Variants in KIDINS220 observed in about 807,000 individuals in gnomAD.
KIDINS220 encodes the protein kinase D-interacting substrate of 220 kDa.
A neutral mutation model predicts 157.6 loss-of-function variants in KIDINS220; 63 were observed. That is an observed-to-expected ratio of 0.40 (90% CI 0.33 to 0.49). The LOEUF (loss-of-function observed/expected upper bound fraction) is 0.49, where lower values mean the gene tolerates loss of function less well. Among genes scored for constraint, KIDINS220 ranks in the 20% least tolerant of loss-of-function variants. The pLI is 0.66. For synonymous variants in KIDINS220, 732 were observed against 783.6 expected, an observed-to-expected ratio of 0.93 and a Z score of 1.10; for missense variants, 1,772 against 2,171.2, an observed-to-expected ratio of 0.82 and a Z score of 3.65.
intron 2 of KIDINS220, among the ~76,000 whole-genome samples, chr2:8,823,839 T>C (rs993474321): frequency 3.3e-5 from 5 of 152,184 alleles, no homozygotes; most frequent in Non-Finnish European, 5.9e-5. Flanking sequence ...TTATATCTTA[T>C]CTATGTATAA....
At chr2:8,734,104 T>C (rs1664528485) in intron 28 of KIDINS220, among the ~76,000 whole-genome samples, 1 of 151,330 alleles carries the variant, frequency 6.6e-6, no homozygotes, top group Admixed American at 6.6e-5. Context: ...TGAGTGGGGA[T>C]CTACCACCAA....
intron 21 of KIDINS220, among the ~76,000 whole-genome samples, chr2:8,774,996 T>C (rs1407950169): frequency 1.3e-5 from 2 of 152,154 alleles, no homozygotes; most frequent in Non-Finnish European, 2.9e-5. Flanking sequence ...GAGGGTGGTA[T>C]GCCAGAAAAT....
chr2:8,837,099 T>A (rs1167858655), intron 1 of KIDINS220, among the ~76,000 whole-genome samples: 1 of 151,962 alleles, frequency 6.6e-6, no homozygotes, highest in Non-Finnish European at 1.5e-5. Context: ...CTAGAAAGAC[T>A]AGCGGTACCA....
intron 26 of KIDINS220, among the ~76,000 whole-genome samples, chr2:8,741,224 A>C (rs1665578129): frequency 6.6e-6 from 1 of 152,252 alleles, no homozygotes; most frequent in African/African-American, 2.4e-5. Context: ...TACTAGGTCA[A>C]AGCTGACAAA....
chr2:8,787,568 C>T (rs1475332054), intron 15 of KIDINS220, among the ~76,000 whole-genome samples: 1 of 151,860 alleles, frequency 6.6e-6, no homozygotes, highest in Non-Finnish European at 1.5e-5. Flanking sequence ...GGGGTTTTGC[C>T]TTTACCCAGG....
intron 17 of KIDINS220, among the ~76,000 whole-genome samples, chr2:8,782,457 C>T (rs755652711): frequency 1.2e-4 from 19 of 152,150 alleles, no homozygotes; most frequent in Non-Finnish European, 1.8e-4. Flanking sequence ...GATAAACAGA[C>T]CAGTTCTTTC....
At chr2:8,752,381 G>A (rs190166764) in intron 22 of KIDINS220, among the ~76,000 whole-genome samples, 2 of 152,212 alleles carry the variant, frequency 1.3e-5, no homozygotes, top group East Asian at 3.9e-4. Flanking sequence ...ACAAAAAAAG[G>A]TAACAATGAG....
intron 3 of KIDINS220, 86 bp downstream of exon 3, chr2:8,818,609 T>C (rs1677449283): frequency 1.4e-6 from 1 of 720,890 alleles, no homozygotes; most frequent in Non-Finnish European, 2.3e-6. Flanking sequence ...AAAGTTTTAA[T>C]TACTACTTTT....
downstream of KIDINS220, among the ~76,000 whole-genome samples, chr2:8,728,254 G>A (rs937053752): frequency 1.3e-5 from 2 of 152,158 alleles, no homozygotes; most frequent in African/African-American, 4.8e-5. Context: ...AGCCCAGGAG[G>A]TCGAGGCTGC....
At chr2:8,728,341 AC>A (rs1474064233), downstream of KIDINS220, among the ~76,000 whole-genome samples, 3 of 152,086 alleles carry the variant, frequency 2.0e-5, no homozygotes, top group East Asian at 5.8e-4. Flanking sequence ...AAACAAACAA[AC>A]AAACAAACAA....
intron 12 of KIDINS220, 117 bp from the exon 13 acceptor site, chr2:8,791,341 C>T (rs1041597388): frequency 1.2e-5 from 10 of 822,348 alleles, no homozygotes; most frequent in Non-Finnish European, 1.8e-5. Flanking sequence ...TGTTTATACC[C>T]ATGTAGGGAC....
chr2:8,795,729 A>G (rs1673823113), intron 11 of KIDINS220, among the ~76,000 whole-genome samples: 1 of 152,226 alleles, frequency 6.6e-6, no homozygotes, highest in Admixed American at 6.5e-5. Context: ...AGTATAAAGC[A>G]ATTACTTAAG....
intron 17 of KIDINS220, among the ~76,000 whole-genome samples, chr2:8,783,732 G>A (rs918841983): frequency 8.6e-5 from 13 of 152,040 alleles, no homozygotes; most frequent in African/African-American, 1.4e-4. Context: ...TGCAAAAAAC[G>A]AAATAGGTAT....
At chr2:8,807,868 T>A (rs1420501620) in intron 6 of KIDINS220, among the ~76,000 whole-genome samples, 1 of 152,200 alleles carries the variant, frequency 6.6e-6, no homozygotes, top group Non-Finnish European at 1.5e-5. Context: ...ACGCCTGTAA[T>A]CCCAGCACTT....
intron 1 of KIDINS220, among the ~76,000 whole-genome samples, chr2:8,831,876 T>G (rs901915948): frequency 3.3e-5 from 5 of 152,322 alleles, no homozygotes; most frequent in Admixed American, 3.3e-4. Context: ...AAAATAAGAC[T>G]ACTCTGGAAT....
intron 17 of KIDINS220, among the ~76,000 whole-genome samples, chr2:8,780,046 C>G (rs1214022313): frequency 6.6e-6 from 1 of 152,176 alleles, no homozygotes; most frequent in Non-Finnish European, 1.5e-5. Context: ...ATAGACACTA[C>G]CATATCTGTT....
At chr2:8,750,388 T>C in intron 23 of KIDINS220, 53 bp from the exon 24 acceptor site, 2 of 1,259,184 alleles carry the variant, frequency 1.6e-6, no homozygotes, top group Non-Finnish European at 2.1e-6. Flanking sequence ...ACATTAGGAA[T>C]CAGTCCAATT....
rs200074000 is a variant in KIDINS220 at position 8,818,797 on chromosome 2, G to A, written c.109-4C>T. 6.4e-7 allele frequency: 1 copy of A among 1,562,234 alleles called. No homozygotes were observed. Among genetic ancestry groups the A allele is most frequent in the Admixed American group, 1.8e-5 (1 of 54,958 alleles). On this transcript the variant is annotated splice_polypyrimidine_tract_variant and splice_region_variant and intron_variant, in intron 2 of 29. Coordinates refer to ENST00000256707, the MANE Select transcript of KIDINS220 (RefSeq NM_020738.4). Reference sequence around the variant, plus strand: ...TCATCAGTGGAGTCTGGCCACACTAGAGAATATAAAAGACAAAGGGAACTT... The same window carrying A: ...TCATCAGTGGAGTCTGGCCACACTAAAGAATATAAAAGACAAAGGGAACTT...
At chr2:8,779,451 C>A (rs1182913641) in intron 18 of KIDINS220, among the ~76,000 whole-genome samples, 2 of 152,214 alleles carry the variant, frequency 1.3e-5, no homozygotes, top group Non-Finnish European at 2.9e-5. Flanking sequence ...ATTTTTCTCA[C>A]AGTGCCACTA....
Sources: allele counts gnomAD v4.1 joint callset (sites outside exome capture counted in the v4.1 genomes callset), GRCh38; gene constraint gnomAD v4.1.1; transcripts MANE v1.5; gene names NCBI Gene and HGNC (gene_info 2026-07-23, HGNC 2026-07-21).